The following PLCE1 variants were observed in gnomAD, a reference collection of about 807,000 sequenced individuals.
PLCE1 encodes phospholipase C epsilon 1, also known as 1-phosphatidylinositol 4,5-bisphosphate phosphodiesterase epsilon-1.
In PLCE1, 119 loss-of-function variants were observed where a neutral mutation model predicts 242.8. That is an observed-to-expected ratio of 0.49 (90% CI 0.42 to 0.57). PLCE1 has a LOEUF of 0.57. Among genes scored for constraint, PLCE1 ranks in the 20% least tolerant of loss-of-function variants. The pLI, the probability that PLCE1 is intolerant of heterozygous loss-of-function variation, is 0.00. For synonymous variants in PLCE1, 945 were observed against 1,017.4 expected (o/e 0.93, Z 1.35); for missense variants, 2,441 against 2,788.8 (o/e 0.88, Z 2.81).
intron 8 of PLCE1, among the ~76,000 whole-genome samples, chr10:94,249,913 A>G (rs2050814441): frequency 6.6e-6 from 1 of 152,156 alleles, no homozygotes; most frequent in African/African-American, 2.4e-5. Context: ...GTTATAAGCA[A>G]AAAAGATTCT....
At position 94,076,737 on chromosome 10, in the gene PLCE1, A is replaced by G. The variant is rs150720632; in HGVS notation, c.1206+44485A>G. Among the ~76,000 whole-genome samples, 11 of 150,744 alleles carry G rather than the reference A, an allele frequency of 7.3e-5. No homozygotes were observed. The South Asian group carries it at 1.2e-3, about 17-fold the overall frequency. Reference sequence around the variant, plus strand: ...AATGATTTCAGCCTCCTAGAAGGCCAGGGTGCTGGAAGCAGCTGCTGGCAG... The same window carrying G: ...AATGATTTCAGCCTCCTAGAAGGCCGGGGTGCTGGAAGCAGCTGCTGGCAG... On this transcript the variant is annotated intron_variant, in intron 2 of 32. Coordinates refer to ENST00000371380, the MANE Select transcript of PLCE1 (RefSeq NM_016341.4).
chr10:94,171,162 T>A lies in PLCE1; in HGVS notation c.1493-18T>A, dbSNP rs1289494207. On this transcript the variant is annotated intron_variant, in intron 3 of 32. Coordinates refer to ENST00000371380, the MANE Select transcript of PLCE1 (RefSeq NM_016341.4). Reference sequence around the variant, plus strand: ...CACCAGATTTGATGTAACCACGACTTCTGTTGCTTTGTTTTAGAACGCCAG... The same window carrying A: ...CACCAGATTTGATGTAACCACGACTACTGTTGCTTTGTTTTAGAACGCCAG... 1 of 1,610,994 alleles carries A rather than the reference T, an allele frequency of 6.2e-7. No individual in the cohort carries two copies. The highest frequency in any genetic ancestry group is 1.3e-5 in the African/African-American group (1 of 74,860).
intron 2 of PLCE1, chr10:94,105,245 T>G (rs2045685034): frequency 6.6e-6 from 1 of 152,206 alleles, no homozygotes; most frequent in Admixed American, 6.5e-5. Context: ...CCAGGTTGCC[T>G]GACTCTAGGC....
rs2051483216 is a variant in PLCE1, at chr10:94,265,535, T to C, written c.4054-112T>C. On this transcript the variant is annotated intron_variant, in intron 14 of 32. Transcript: ENST00000371380. ...TTACTAAATTAGTTCAAATATTTGG[T>C]TTAGATGTTTCCTGATGAAAACAGA... 4 of 925,754 alleles carry C rather than the reference T, an allele frequency of 4.3e-6. No individual in the cohort carries two copies. In the African/African-American group the frequency reaches 6.5e-5, roughly 15 times the overall value. The allele number at this position is 925,754 out of a possible 1,614,324, so 57.3% of individuals were successfully genotyped here. A position where few individuals can be genotyped will look rare whatever the true frequency, so the allele number is the denominator to read the frequency against.
intron 1 of PLCE1, among the ~76,000 whole-genome samples, chr10:94,008,758 A>C (rs1361153535): frequency 6.6e-6 from 1 of 152,206 alleles, no homozygotes; most frequent in Non-Finnish European, 1.5e-5. Context: ...GTCAGCCAGG[A>C]GGTAACAAGC....
At chr10:94,275,775 G>A (rs1238028355) in intron 19 of PLCE1, among the ~76,000 whole-genome samples, 1 of 151,916 alleles carries the variant, frequency 6.6e-6, no homozygotes, top group African/African-American at 2.4e-5. Flanking sequence ...GGCCAAGGCT[G>A]CAATGAGCCA....
chr10:94,171,183 G>A lies in PLCE1; in HGVS notation c.1496G>A (p.Arg499His), dbSNP rs757336023. ...GSTGRMMLKE[R>H]QPGPSVANSN... ...GACTTCTGTTGCTTTGTTTTAGAAC[G>A]CCAGCCAGGCCCCTCTGTGGCCAAT... Residue 499 changes from arginine (R) to histidine (H), a missense_variant, in exon 4 of 33, where the codon CGC becomes CAC. By Grantham distance (29) the Arg-to-His change is conservative. This residue lies in a region of PLCE1 where 733 missense variants were observed against 754.2 expected (regional missense o/e 0.97). Coordinates refer to ENST00000371380, the MANE Select transcript of PLCE1 (RefSeq NM_016341.4). 1.2e-4 allele frequency: 197 copies of A among 1,613,976 alleles called. No homozygotes were observed. The East Asian group carries it at 3.8e-3, about 31-fold the overall frequency.
chr10:94,308,269 G>C (rs1264072500), intron 26 of PLCE1, among the ~76,000 whole-genome samples: 1 of 152,184 alleles, frequency 6.6e-6, no homozygotes, highest in Non-Finnish European at 1.5e-5. Flanking sequence ...TTGTAAAACA[G>C]GGACTGTTAG....
chr10:94,051,032 G>C, intron 2 of PLCE1, among the ~76,000 whole-genome samples: 1 of 152,026 alleles, frequency 6.6e-6, no homozygotes, highest in East Asian at 1.9e-4. Flanking sequence ...TTAATATTTA[G>C]TTTGTGAAGC....
At chr10:94,105,506 A>AACAC (rs139947089) in intron 2 of PLCE1, 3 of 151,336 alleles carry the variant, frequency 2.0e-5, no homozygotes, top group African/African-American at 4.9e-5. Context: ...ATCTCCCCTA[A>AACAC]ACACACACAC....
intron 17 of PLCE1, among the ~76,000 whole-genome samples, chr10:94,269,499 C>G (rs953268342): frequency 6.6e-6 from 1 of 152,130 alleles, no homozygotes. Flanking sequence ...AAAGTGTTTG[C>G]TGTATCATGT....
intron 2 of PLCE1, among the ~76,000 whole-genome samples, chr10:94,042,480 C>T (rs2061788439): frequency 6.6e-6 from 1 of 152,194 alleles, no homozygotes; most frequent in South Asian, 2.1e-4. Flanking sequence ...AGTCCATACT[C>T]ATAACTGCTC....
At chr10:94,135,823 C>A (rs140394307) in intron 3 of PLCE1, among the ~76,000 whole-genome samples, 60 of 152,264 alleles carry the variant, frequency 3.9e-4, no homozygotes, top group Non-Finnish European at 8.1e-4. Flanking sequence ...TCAGAGATTT[C>A]GAAAAGGAGT....
chr10:94,332,286 G>A lies in PLCE1; in HGVS notation c.*4343G>A, dbSNP rs1162847677. On this transcript the variant is annotated 3_prime_UTR_variant, in exon 33 of 33. Transcript: ENST00000371380. ...ATAGGTCTCTAAACTTTTGACACAA[G>A]TAATTCTAACACTGAATTGGGTACT... The A allele has an allele frequency of 2.0e-5, 3 of 152,126 alleles. No homozygotes were observed. The allele number at this position is 152,126 out of a possible 1,614,324, so 9.4% of individuals were successfully genotyped here.
chr10:94,198,878 C>A (rs1385265122), intron 4 of PLCE1, among the ~76,000 whole-genome samples: 1 of 152,166 alleles, frequency 6.6e-6, no homozygotes, highest in East Asian at 1.9e-4. Context: ...CATGTAAAAC[C>A]TCCTGTCTAC....
chr10:94,242,784 C>A lies in PLCE1; in HGVS notation c.2421-3162C>A, dbSNP rs149018003. Among the ~76,000 whole-genome samples the A allele has an allele frequency of 1.2e-3, 187 of 152,146 alleles. 1 individual carries two copies. Among genetic ancestry groups the A allele is most frequent in the Non-Finnish European group, 2.3e-3 (155 of 67,982 alleles). On this transcript the variant is annotated intron_variant, in intron 7 of 32. Transcript: ENST00000371380. ...GGAGCTGTGAAAGGAATACAAGAAC[C>A]AACTGGAAGAGCTCCCAATAGCCAC...
intron 3 of PLCE1, among the ~76,000 whole-genome samples, chr10:94,166,579 GGTGT>G (rs56088035): frequency 0.31 from 44,758 of 145,538 alleles, 7,188 homozygotes; most frequent in Non-Finnish European, 0.38. Flanking sequence ...AGAGAAAAAA[GGTGT>G]GTGTGTGTGT....
intron 2 of PLCE1, among the ~76,000 whole-genome samples, chr10:94,078,074 G>GTT (rs1212795420): frequency 1.3e-5 from 2 of 152,172 alleles, no homozygotes; most frequent in Admixed American, 1.3e-4. Flanking sequence ...TTAGACATCT[G>GTT]TTGCAGAAAT....
chr10:94,257,464 T>C (rs1338684935), intron 11 of PLCE1, among the ~76,000 whole-genome samples: 1 of 152,124 alleles, frequency 6.6e-6, no homozygotes, highest in Non-Finnish European at 1.5e-5. Context: ...TAAAGACACA[T>C]GTACACGTAT....
Sources: allele counts gnomAD v4.1 joint callset (sites outside exome capture counted in the v4.1 genomes callset), GRCh38; gene constraint gnomAD v4.1.1; regional missense constraint gnomAD v4.1.1; transcripts MANE v1.5; gene names NCBI Gene and HGNC (gene_info 2026-07-23, HGNC 2026-07-21).